Variants in FERMT2 observed in about 807,000 individuals in gnomAD.
FERMT2 encodes the protein fermitin family homolog 2.
In FERMT2, 15 loss-of-function variants were observed where a neutral mutation model predicts 82.7. That is an observed-to-expected ratio of 0.18 (90% CI 0.12 to 0.28). FERMT2 has a LOEUF of 0.28. Among genes scored for constraint, FERMT2 ranks in the 10% least tolerant of loss-of-function variants. The pLI is 1.00. For missense variants in FERMT2, 645 were observed against 809.4 expected (o/e 0.80, Z 2.46); for synonymous variants, 274 against 271.5 (o/e 1.01, Z -0.09).
At chr14:52,896,133 C>T (rs143219625) in intron 3 of FERMT2, among the ~76,000 whole-genome samples, 43 of 152,294 alleles carry the variant, frequency 2.8e-4, no homozygotes, top group African/African-American at 9.4e-4. Context: ...GGAAAATTTT[C>T]AACTCCATTA....
chr14:52,901,296 A>G (rs1196098789), intron 3 of FERMT2, among the ~76,000 whole-genome samples: 1 of 149,842 alleles, frequency 6.7e-6, no homozygotes, highest in Non-Finnish European at 1.5e-5. Context: ...AAAAAAAAAA[A>G]AAAAGCCCCA....
rs139077133 is a variant in FERMT2 at position 52,860,910 on chromosome 14, T to A, written c.1603-445A>T. On this transcript the variant is annotated intron_variant, in intron 12 of 14. Transcript: ENST00000341590. ...CTTGAAATCACCATAATCATTTCTA[T>A]TTTAAATTTAAATTTCACTACTGGG... 6.3e-5 allele frequency: 52 copies of A among 826,604 alleles called. No individual in the cohort carries two copies. In the Admixed American group the frequency reaches 1.5e-3, roughly 23 times the overall value. The allele number at this position is 826,604 out of a possible 1,614,324, so 51.2% of individuals were successfully genotyped here.
intron 12 of FERMT2, chr14:52,861,422 TA>T (rs1884932607): frequency 5.8e-6 from 1 of 172,998 alleles, no homozygotes; most frequent in Non-Finnish European, 1.2e-5. Flanking sequence ...CCAATTATTT[TA>T]GTAGCAAAAT....
Position 52,940,958 on chromosome 14 carries a change from A to G in FERMT2, c.157+9454T>C, listed in dbSNP as rs145206948. On this transcript the variant is annotated intron_variant, in intron 2 of 14. Coordinates refer to ENST00000341590, the MANE Select transcript of FERMT2 (RefSeq NM_006832.3). ...TTCTAACTTCAAGCATATACTTACT[A>G]TACCACCCAGCAATCCCACACCTAG... Among the ~76,000 whole-genome samples, 1,405 of 152,262 alleles carry G rather than the reference A, an allele frequency of 9.2e-3. 21 individuals are homozygous for G. Among genetic ancestry groups the G allele is most frequent in the African/African-American group, 0.032 (1,321 of 41,550 alleles).
At chr14:52,921,631 T>C (rs923862415) in intron 2 of FERMT2, among the ~76,000 whole-genome samples, 8 of 152,130 alleles carry the variant, frequency 5.3e-5, no homozygotes, top group Admixed American at 2.0e-4. Context: ...CTGCAAAGAA[T>C]GCTGGTAATC....
At chr14:52,882,261 G>C (rs1222532434) in intron 4 of FERMT2, among the ~76,000 whole-genome samples, 3 of 152,022 alleles carry the variant, frequency 2.0e-5, no homozygotes, top group African/African-American at 4.8e-5. Flanking sequence ...AACAAATAAA[G>C]TATTAATGTA....
chr14:52,919,668 T>C (rs776759590), intron 2 of FERMT2, among the ~76,000 whole-genome samples: 1 of 152,104 alleles, frequency 6.6e-6, no homozygotes, highest in Non-Finnish European at 1.5e-5. Flanking sequence ...AGGGCTAGAA[T>C]AGGAAGGATT....
At chr14:52,890,256 A>G (rs1339577767) in intron 4 of FERMT2, among the ~76,000 whole-genome samples, 1 of 151,864 alleles carries the variant, frequency 6.6e-6, no homozygotes, top group East Asian at 2.0e-4. Flanking sequence ...CAGCCTGACC[A>G]ACATGGTGAA....
chr14:52,873,332 T>C (rs1174044002), intron 9 of FERMT2, among the ~76,000 whole-genome samples: 1 of 152,236 alleles, frequency 6.6e-6, no homozygotes, highest in African/African-American at 2.4e-5. Context: ...GGAGCCTCTA[T>C]AAAGATGCAA....
chr14:52,926,188 C>G (rs571291894), intron 2 of FERMT2, among the ~76,000 whole-genome samples: 12 of 130,924 alleles, frequency 9.2e-5, no homozygotes, highest in Non-Finnish European at 1.8e-4. Context: ...GAAAATACTA[C>G]TGTATCACTA....
At chr14:52,889,705 G>C (rs928283857) in intron 4 of FERMT2, among the ~76,000 whole-genome samples, 14 of 152,172 alleles carry the variant, frequency 9.2e-5, no homozygotes, top group African/African-American at 3.4e-4. Flanking sequence ...CTATACGGAT[G>C]GTATAGTCTA....
chr14:52,917,071 A>C (rs1888655084), intron 3 of FERMT2, among the ~76,000 whole-genome samples: 1 of 152,218 alleles, frequency 6.6e-6, no homozygotes, highest in Non-Finnish European at 1.5e-5. Flanking sequence ...TTGGAATATA[A>C]ACTGGTATAA....
chr14:52,950,522 C>T lies in FERMT2; in HGVS notation c.47G>A (p.Gly16Glu). The change falls in exon 2 of 15, where the codon GGG becomes GAG. Residue 16 changes from glycine (G) to glutamate (E), a missense_variant. Coordinates refer to ENST00000341590, the MANE Select transcript of FERMT2 (RefSeq NM_006832.3). ...CACATGGACACTCAGTTCCCACGTC[C>T]CGTCCGCGTAGCAGCCATCTGGCAT... is the stretch of plus-strand genomic sequence containing the variant. ...IRMPDGCYAD[G>E]TWELSVHVTD... 1 of 1,614,182 alleles carries T rather than the reference C, an allele frequency of 6.2e-7. No individual in the cohort carries two copies. The highest frequency in any genetic ancestry group is 1.3e-5 in the African/African-American group (1 of 75,060).
intron 3 of FERMT2, among the ~76,000 whole-genome samples, chr14:52,916,898 T>C (rs1888646441): frequency 6.6e-6 from 1 of 152,160 alleles, no homozygotes; most frequent in Admixed American, 6.5e-5. Context: ...ATATAAACAA[T>C]TAAAAAAAGG....
At chr14:52,950,660 C>A in intron 1 of FERMT2, 83 bp from the exon 2 acceptor site, 1 of 1,441,752 alleles carries the variant, frequency 6.9e-7, no homozygotes. Flanking sequence ...GCGCCGGCCA[C>A]GGGCTGGGAG....
chr14:52,892,159 G>GGTTTTTTTTTTTTTTTTTTTT (rs1555368978), intron 4 of FERMT2, among the ~76,000 whole-genome samples: 1 of 78,758 alleles, frequency 1.3e-5, no homozygotes, highest in African/African-American at 3.9e-5. Context: ...AGAGAAGGCT[G>GGTTTTTTTTTTTTTTTTTTTT]TTTTTTGTTT....
At chr14:52,948,384 C>T (rs943075568) in intron 2 of FERMT2, among the ~76,000 whole-genome samples, 3 of 152,166 alleles carry the variant, frequency 2.0e-5, no homozygotes, top group Non-Finnish European at 2.9e-5. Flanking sequence ...TGATAGGCAA[C>T]GAAATAGCTT....
At chr14:52,863,554 C>A (rs960515628) in intron 12 of FERMT2, 1 of 152,108 alleles carries the variant, frequency 6.6e-6, no homozygotes, top group Non-Finnish European at 1.5e-5. Flanking sequence ...ACCAAAGAAC[C>A]ATTTTCCTAA....
chr14:52,877,185 T>G (rs1337845807), intron 7 of FERMT2, among the ~76,000 whole-genome samples: 1 of 152,164 alleles, frequency 6.6e-6, no homozygotes, highest in African/African-American at 2.4e-5. Flanking sequence ...ACAATAACCA[T>G]AAACATGTAC....
Sources: allele counts gnomAD v4.1 joint callset (sites outside exome capture counted in the v4.1 genomes callset), GRCh38; gene constraint gnomAD v4.1.1; transcripts MANE v1.5; gene names NCBI Gene and HGNC (gene_info 2026-07-23, HGNC 2026-07-21).